Variants in KIF4A observed in about 807,000 individuals in gnomAD.
KIF4A encodes the protein chromosome-associated kinesin KIF4A.
In KIF4A, 7 loss-of-function variants were observed where a neutral mutation model predicts 105.9. The observed-to-expected ratio is 0.07, with a 90% CI of 0.04 to 0.12. The LOEUF is 0.12. Among genes scored for constraint, KIF4A ranks in the 10% least tolerant of loss-of-function variants. KIF4A has a pLI of 1.00. For synonymous variants in KIF4A, 281 were observed against 331.3 expected, an observed-to-expected ratio of 0.85 and a Z score of 1.65; for missense variants, 558 against 929.2, an observed-to-expected ratio of 0.60 and a Z score of 5.19.
At chrX:70,327,069 G>A (rs2085913867) in intron 7 of KIF4A, among the ~76,000 whole-genome samples, 1 of 111,461 alleles carries the variant, frequency 9.0e-6, no homozygotes, top group Non-Finnish European at 1.9e-5. Flanking sequence ...ATCTAGTTGA[G>A]ATATGGGCCA....
chrX:70,417,029 C>G (rs185676882), intron 28 of KIF4A, among the ~76,000 whole-genome samples: 1 of 112,920 alleles, frequency 8.9e-6, no homozygotes, highest in East Asian at 2.8e-4. Context: ...GAAAGTACAG[C>G]TTGGTAATTC....
chrX:70,341,698 C>G (rs1412577235), intron 10 of KIF4A, 101 bp from the exon 11 acceptor site: 13 of 879,005 alleles, frequency 1.5e-5, no homozygotes, highest in Non-Finnish European at 2.0e-5. Context: ...GACCTAATCC[C>G]CCTACCTATC....
chrX:70,383,293 A>G (rs1173623227), intron 18 of KIF4A, among the ~76,000 whole-genome samples: 2 of 112,037 alleles, frequency 1.8e-5, no homozygotes, highest in Non-Finnish European at 3.8e-5. Flanking sequence ...GTCATTTGCC[A>G]TCAGAGAAAT....
chrX:70,342,053 C>T (rs1169575752), intron 11 of KIF4A, 122 bp downstream of exon 11: 3 of 944,508 alleles, frequency 3.2e-6, no homozygotes, highest in African/African-American at 3.9e-5. Context: ...TTTGTATTAC[C>T]ATATCCTCCA....
chrX:70,310,211 C>T (rs2085843498), intron 7 of KIF4A, among the ~76,000 whole-genome samples: 2 of 110,958 alleles, frequency 1.8e-5, no homozygotes, highest in African/African-American at 6.6e-5. Context: ...GTCAATCCAT[C>T]CTTCCCCCAT....
At chrX:70,335,096 T>C (rs2085945449) in intron 10 of KIF4A, among the ~76,000 whole-genome samples, 1 of 112,423 alleles carries the variant, frequency 8.9e-6, no homozygotes, top group Non-Finnish European at 1.9e-5. Flanking sequence ...TTCACGACCA[T>C]GTTCATAGTG....
At chrX:70,404,524 AAAG>A (rs756592190) in intron 24 of KIF4A, among the ~76,000 whole-genome samples, 188 bp from the exon 25 acceptor site, 15 of 38,055 alleles carry the variant, frequency 3.9e-4, no homozygotes, top group Non-Finnish European at 5.9e-4. Context: ...TGGGCAACAG[AAAG>A]AAAAAAAAAA....
At chrX:70,406,211 C>T (rs376045431) in intron 26 of KIF4A, 48 bp from the exon 27 acceptor site, 406 of 1,066,554 alleles carry the variant, frequency 3.8e-4, no homozygotes, top group Non-Finnish European at 5.0e-4. Context: ...CATGAACACT[C>T]CCAGAAGCTG....
intron 25 of KIF4A, among the ~76,000 whole-genome samples, chrX:70,405,035 A>G (rs2086295006): frequency 9.0e-6 from 1 of 111,370 alleles, no homozygotes; most frequent in South Asian, 3.8e-4. Flanking sequence ...GGGTACCAAA[A>G]TGGCAGCACA....
rs149331772 is a variant in KIF4A, at chrX:70,384,486, G to A, written c.2035-2132G>A. Among the ~76,000 whole-genome samples, 504 of 110,587 alleles carry A rather than the reference G, an allele frequency of 4.6e-3. 6 individuals are homozygous for A. Among genetic ancestry groups the A allele is most frequent in the African/African-American group, 0.016 (477 of 30,424 alleles). On this transcript the variant is annotated intron_variant, in intron 18 of 30. Transcript: ENST00000374403. Reference sequence around the variant, plus strand: ...TGCAATTAAGAGTTGTCTTTGTGAGGCCAAGGTGGGTGGATCACGAGGTCA... The same window carrying A: ...TGCAATTAAGAGTTGTCTTTGTGAGACCAAGGTGGGTGGATCACGAGGTCA...
At position 70,290,286 on chromosome X, in the gene KIF4A, G is replaced by A; in HGVS notation, c.-22+136G>A. On this transcript the variant is annotated intron_variant, in intron 1 of 30. Coordinates refer to ENST00000374403, the MANE Select transcript of KIF4A (RefSeq NM_012310.5). ...CCGTGCACTCTCTTTAGAGTGCAGG[G>A]CTGACGGGCGGTCCAGCCCTGGCCA... 2.2e-5 allele frequency: 13 copies of A among 595,523 alleles called. No homozygotes were observed. In the South Asian group the frequency reaches 4.1e-4, roughly 19 times the overall value. The allele number at this position is 595,523 out of a possible 1,213,427, so 49.1% of individuals were successfully genotyped here.
At chrX:70,408,062 C>T (rs1320904038) in intron 28 of KIF4A, among the ~76,000 whole-genome samples, 1 of 105,283 alleles carries the variant, frequency 9.5e-6, no homozygotes, top group East Asian at 3.0e-4. Flanking sequence ...GAGTGAGATT[C>T]CATCTCAAAA....
intron 28 of KIF4A, 73 bp downstream of exon 28, chrX:70,407,148 C>T: frequency 9.2e-7 from 1 of 1,088,760 alleles, no homozygotes; most frequent in Non-Finnish European, 1.2e-6. Context: ...CACTCTGTCG[C>T]CCAGGCTGGA....
intron 15 of KIF4A, among the ~76,000 whole-genome samples, chrX:70,366,610 A>G (rs1405131981): frequency 8.9e-6 from 1 of 112,194 alleles, no homozygotes; most frequent in Non-Finnish European, 1.9e-5. Flanking sequence ...CTGTGGTCTG[A>G]GAGACAGTTT....
chrX:70,416,574 G>A (rs887666285), intron 28 of KIF4A, among the ~76,000 whole-genome samples: 2 of 109,658 alleles, frequency 1.8e-5, no homozygotes, highest in Non-Finnish European at 3.8e-5. Context: ...GAGCTCAAGC[G>A]ATCCACCCGC....
intron 13 of KIF4A, among the ~76,000 whole-genome samples, chrX:70,350,859 G>A (rs1342419911): frequency 2.7e-5 from 3 of 112,077 alleles, no homozygotes; most frequent in African/African-American, 9.7e-5. Context: ...TTAAGTACAT[G>A]ACTTCCTGGA....
intron 28 of KIF4A, among the ~76,000 whole-genome samples, chrX:70,409,794 CAAAAAAA>C (rs780576920): frequency 7.1e-5 from 3 of 42,217 alleles, no homozygotes; most frequent in Non-Finnish European, 1.3e-4. Context: ...AAGACTGTCT[CAAAAAAA>C]AAAAAAAAAA....
At chrX:70,364,039 T>G in intron 15 of KIF4A, among the ~76,000 whole-genome samples, 1 of 112,598 alleles carries the variant, frequency 8.9e-6, no homozygotes, top group East Asian at 2.8e-4. Flanking sequence ...AAATGTCTTC[T>G]TTTGAGAAAT....
chrX:70,409,832 A>C (rs949332780), intron 28 of KIF4A, among the ~76,000 whole-genome samples: 1 of 109,513 alleles, frequency 9.1e-6, no homozygotes, highest in African/African-American at 3.3e-5. Flanking sequence ...AAAATGGTAG[A>C]GGGCCTAAAG....
Sources: allele counts gnomAD v4.1 joint callset (sites outside exome capture counted in the v4.1 genomes callset), GRCh38; gene constraint gnomAD v4.1.1; transcripts MANE v1.5; gene names NCBI Gene and HGNC (gene_info 2026-07-23, HGNC 2026-07-21).